Variants in ZNF490 observed in about 807,000 individuals in gnomAD.
ZNF490 encodes zinc finger protein 490.
ZNF490 carries 11 observed loss-of-function variants against 17.7 expected under a neutral mutation model. The observed-to-expected ratio is 0.62, with a 90% CI of 0.39 to 1.03. The LOEUF (loss-of-function observed/expected upper bound fraction) is 1.03. Among genes scored for constraint, ZNF490 ranks in the 50% least tolerant of loss-of-function variants. ZNF490 has a pLI of 0.00. For missense variants in ZNF490, 542 were observed against 643.4 expected (o/e 0.84, Z 1.71); for synonymous variants, 222 against 216.1 (o/e 1.03, Z -0.24).
At chr19:12,583,912 A>G (rs932068007) in intron 2 of ZNF490, among the ~76,000 whole-genome samples, 2 of 148,226 alleles carry the variant, frequency 1.3e-5, no homozygotes, top group Non-Finnish European at 3.0e-5. Flanking sequence ...CTGGGTTCAC[A>G]CCATTCTCCT....
rs1173527289 is a variant in ZNF490, at chr19:12,586,512, C to A, written c.163-2956G>T. Among the ~76,000 whole-genome samples, 4 of 92,272 alleles carry A rather than the reference C, an allele frequency of 4.3e-5. 1 individual carries two copies. The highest frequency in any genetic ancestry group is 1.2e-4 in the Non-Finnish European group (4 of 34,476). 60.5% of individuals were successfully genotyped at this position (92,272 alleles called of 152,430 possible). Reference sequence around the variant, plus strand: ...CTAAAATCAACAGGATAAACCTAAACCCTCACATTTAAAGCCTGTTTACCT... The same window carrying A: ...CTAAAATCAACAGGATAAACCTAAAACCTCACATTTAAAGCCTGTTTACCT... On this transcript the variant is annotated intron_variant, in intron 2 of 4. Transcript: ENST00000311437.
rs1419842234 is a variant in ZNF490, at chr19:12,584,507, A to G, written c.163-951T>C. 2.1e-5 allele frequency among the ~76,000 whole-genome samples: 2 copies of G among 94,424 alleles called. 1 individual carries two copies. Among genetic ancestry groups the G allele is most frequent in the Non-Finnish European group, 5.7e-5 (2 of 35,064 alleles). 61.9% of individuals were successfully genotyped at this position (94,424 alleles called of 152,430 possible). A position where few individuals can be genotyped will look rare whatever the true frequency, so the allele number is the denominator to read the frequency against. On this transcript the variant is annotated intron_variant, in intron 2 of 4. Transcript: ENST00000311437. Reference sequence around the variant, plus strand: ...CAAGACCATCTTGGATATATGAGAGAAATGCTGTACAAATGAAACAAATTG... The same window carrying G: ...CAAGACCATCTTGGATATATGAGAGGAATGCTGTACAAATGAAACAAATTG...
chr19:12,609,981 A>G, intron 1 of ZNF490: 1 of 443,708 alleles, frequency 2.3e-6, no homozygotes, highest in Non-Finnish European at 4.5e-6. Context: ...AAATCTACAA[A>G]AATAAAAATA....
intron 2 of ZNF490, among the ~76,000 whole-genome samples, chr19:12,598,949 T>C (rs1343323269): frequency 6.7e-6 from 1 of 149,678 alleles, no homozygotes; most frequent in Non-Finnish European, 1.5e-5. Flanking sequence ...ACTGCATCAC[T>C]GCACTCCAGC....
At chr19:12,583,597 T>G (rs1299522790) in intron 2 of ZNF490, 41 bp from the exon 3 acceptor site, 1 of 1,525,992 alleles carries the variant, frequency 6.6e-7, no homozygotes, top group South Asian at 1.2e-5. Flanking sequence ...AGGAGAGAGA[T>G]TCGCAGTAGT....
At position 12,577,884 on chromosome 19, in the gene ZNF490, G is replaced by T. The variant is rs2022667288; in HGVS notation, c.*2601C>A. The T allele has an allele frequency of 1.0e-6, 1 of 985,404 alleles. No individual in the cohort carries two copies. Among genetic ancestry groups the T allele is most frequent in the Non-Finnish European group, 1.2e-6 (1 of 829,926 alleles). 61.0% of individuals were successfully genotyped at this position (985,404 alleles called of 1,614,324 possible). A position where few individuals can be genotyped will look rare whatever the true frequency, so the allele number is the denominator to read the frequency against. On this transcript the variant is annotated 3_prime_UTR_variant, in exon 5 of 5. Transcript: ENST00000311437. The stretch of plus-strand genomic sequence containing the variant: ...AAACACACTGACTTGCTAAGAAAAG[G>T]GGGGACTGACTCCAACAAAGGACAG...
Position 12,582,908 on chromosome 19 carries a change from C to G in ZNF490, c.292G>C (p.Glu98Gln), listed in dbSNP as rs763998589. 2 of 1,611,074 alleles carry G rather than the reference C, an allele frequency of 1.2e-6. No homozygotes were observed. Among genetic ancestry groups the G allele is most frequent in the South Asian group, 2.2e-5 (2 of 90,292 alleles). The change falls in exon 4 of 5, where the codon GAA becomes CAA. Residue 98 changes from glutamate (E) to glutamine (Q), a missense_variant and splice_region_variant. Transcript: ENST00000311437. ...TCAATATCCTGGTCTTTCCATTTTTCCCCTAAAATACAAGCCCAGAGAACT... is the reference window on the plus strand; with the variant it reads ...TCAATATCCTGGTCTTTCCATTTTTGCCCTAAAATACAAGCCCAGAGAACT... ...ATFKNLACIG[E>Q]KWKDQDIEDE...
intron 2 of ZNF490, among the ~76,000 whole-genome samples, chr19:12,583,809 ATATTT>A (rs752416448): frequency 1.9e-3 from 202 of 105,096 alleles, no homozygotes; most frequent in East Asian, 9.8e-3. Flanking sequence ...ATATATATAT[ATATTT>A]TTTTTTTTTT....
At chr19:12,605,823 T>C (rs1039888547) in intron 2 of ZNF490, among the ~76,000 whole-genome samples, 1 of 152,188 alleles carries the variant, frequency 6.6e-6, no homozygotes, top group Non-Finnish European at 1.5e-5. Flanking sequence ...AATATTTTGT[T>C]AATGGTTTTC....
intron 2 of ZNF490, among the ~76,000 whole-genome samples, chr19:12,591,116 C>T (rs908796685): frequency 5.5e-5 from 8 of 146,426 alleles, no homozygotes; most frequent in African/African-American, 7.6e-5. Flanking sequence ...GGGCCGGGCA[C>T]GGTGGCTCAT....
intron 2 of ZNF490, among the ~76,000 whole-genome samples, chr19:12,585,366 T>C (rs1320491595): frequency 1.1e-5 from 1 of 92,488 alleles, no homozygotes; most frequent in East Asian, 2.1e-4. Context: ...GCCCTTTTTC[T>C]CTCCCCCGAC....
chr19:12,595,850 T>TGAGGCAGGGAGAATTGCTTGAACCTGG (rs1361044321), intron 2 of ZNF490, among the ~76,000 whole-genome samples: 6 of 151,998 alleles, frequency 3.9e-5, no homozygotes, highest in African/African-American at 1.5e-4. Flanking sequence ...CGCAGGAGGC[T>TGAGGCAGGGAGAATTGCTTGAACCTGG]GAGGCAGGGA....
intron 2 of ZNF490, among the ~76,000 whole-genome samples, chr19:12,589,569 T>TTC (rs200742142): frequency 0.13 from 3,620 of 28,834 alleles, 143 homozygotes; most frequent in African/African-American, 0.24. Context: ...CTTCTTCTTC[T>TTC]TTTTTTTTTT....
At position 12,585,912 on chromosome 19, in the gene ZNF490, G is replaced by A. The variant is rs1467587082; in HGVS notation, c.163-2356C>T. On this transcript the variant is annotated intron_variant, in intron 2 of 4. Transcript: ENST00000311437. Reference sequence around the variant, plus strand: ...TCTTCATGTTGGCCAGGATGGTGTCGAACTCCTACCTCAAGTAATTTGCCT... The same window carrying A: ...TCTTCATGTTGGCCAGGATGGTGTCAAACTCCTACCTCAAGTAATTTGCCT... Among the ~76,000 whole-genome samples the A allele has an allele frequency of 3.2e-5, 3 of 92,498 alleles. 1 individual carries two copies. The highest frequency in any genetic ancestry group is 6.4e-5 in the African/African-American group (2 of 31,038). 60.7% of individuals were successfully genotyped at this position (92,498 alleles called of 152,430 possible). A position where few individuals can be genotyped will look rare whatever the true frequency, so the allele number is the denominator to read the frequency against.
intron 2 of ZNF490, among the ~76,000 whole-genome samples, chr19:12,597,698 G>A (rs1214729559): frequency 1.3e-5 from 2 of 152,152 alleles, no homozygotes; most frequent in South Asian, 2.1e-4. Context: ...GAATTATTCT[G>A]TATTTGTCCT....
At position 12,580,117 on chromosome 19, in the gene ZNF490, A is replaced by G; in HGVS notation, c.*368T>C. The G allele has an allele frequency of 1.0e-6, 1 of 1,004,764 alleles. No individual in the cohort carries two copies. The highest frequency in any genetic ancestry group is 1.2e-6 in the Non-Finnish European group (1 of 842,730). The allele number at this position is 1,004,764 out of a possible 1,614,324, so 62.2% of individuals were successfully genotyped here. On this transcript the variant is annotated 3_prime_UTR_variant, in exon 5 of 5. Coordinates refer to ENST00000311437, the MANE Select transcript of ZNF490 (RefSeq NM_020714.3). ...AGCAAAATTACATCTCAACAAAAAC[A>G]AAAACAAAAAACAAACCCCACAAAA...
chr19:12,599,040 T>C (rs1243098712), intron 2 of ZNF490, among the ~76,000 whole-genome samples: 1 of 134,750 alleles, frequency 7.4e-6, no homozygotes, highest in Non-Finnish European at 1.5e-5. Flanking sequence ...TGATCCCAGC[T>C]ATTCTGGAGG....
intron 2 of ZNF490, among the ~76,000 whole-genome samples, chr19:12,598,604 C>A (rs1196378424): frequency 6.6e-6 from 1 of 151,520 alleles, no homozygotes; most frequent in Non-Finnish European, 1.5e-5. Context: ...GAACTCCCAA[C>A]CTTAGGTTGG....
intron 4 of ZNF490, among the ~76,000 whole-genome samples, chr19:12,582,515 C>G (rs1031965322): frequency 6.6e-6 from 1 of 152,134 alleles, no homozygotes; most frequent in Non-Finnish European, 1.5e-5. Flanking sequence ...CTGCCTCAGC[C>G]TCCCGAGTAG....
Sources: gnomAD v4.1 joint callset for allele counts (sites outside exome capture counted in the v4.1 genomes callset) on GRCh38, gnomAD v4.1.1 for gene constraint, MANE v1.5 for transcripts, NCBI Gene and HGNC (gene_info 2026-07-23, HGNC 2026-07-21) for gene names.